ZFHX3: variants seen among roughly 807,000 people sequenced by gnomAD.
The protein encoded by ZFHX3 is zinc finger homeobox protein 3.
Under a neutral mutation model 279.1 loss-of-function variants are expected in ZFHX3, and 42 were observed. That is an observed-to-expected ratio of 0.15 (90% CI 0.12 to 0.19). The LOEUF is 0.19. ZFHX3 is among the 10% of genes least tolerant of loss of function. ZFHX3 has a pLI of 1.00. For missense variants in ZFHX3, 4,981 were observed against 4,754.0 expected, an observed-to-expected ratio of 1.05 and a Z score of -1.40; for synonymous variants, 2,293 against 1,957.8, an observed-to-expected ratio of 1.17 and a Z score of -4.52.
At chr16:73,582,441 G>GA (rs147901655) in intron 2 of ZFHX3, among the ~76,000 whole-genome samples, 9,107 of 149,310 alleles carry the variant, frequency 0.061, 1,081 homozygotes, top group African/African-American at 0.21. Flanking sequence ...TAGGAAGACA[G>GA]AAAAAAAAAA....
At chr16:73,205,965 A>G (rs1314967712) in intron 5 of ZFHX3, among the ~76,000 whole-genome samples, 1 of 152,234 alleles carries the variant, frequency 6.6e-6, no homozygotes, top group Non-Finnish European at 1.5e-5. Flanking sequence ...TGAAATTGTT[A>G]AAGAACTGGC....
chr16:72,983,850 G>A (rs1049561398), intron 1 of ZFHX3, among the ~76,000 whole-genome samples: 2 of 152,194 alleles, frequency 1.3e-5, no homozygotes, highest in African/African-American at 4.8e-5. Flanking sequence ...CCACTGCCAA[G>A]TGTGGGTACA....
chr16:73,157,467 A>T (rs1446746973), intron 5 of ZFHX3, among the ~76,000 whole-genome samples: 2 of 147,620 alleles, frequency 1.4e-5, no homozygotes, highest in African/African-American at 4.9e-5. Flanking sequence ...ATGTTTGGTA[A>T]AAAAAAAAAA....
intron 2 of ZFHX3, among the ~76,000 whole-genome samples, chr16:73,602,338 G>GT (rs1309733316): frequency 1.3e-5 from 2 of 152,092 alleles, no homozygotes. Flanking sequence ...TGCTGAGACC[G>GT]TATGAATACT....
intron 8 of ZFHX3, among the ~76,000 whole-genome samples, chr16:73,066,324 C>T (rs2144749921): frequency 6.6e-6 from 1 of 152,330 alleles, no homozygotes; most frequent in Non-Finnish European, 1.5e-5. Context: ...TTCCCAAAAC[C>T]TTATCATTGA....
intron 1 of ZFHX3, among the ~76,000 whole-genome samples, chr16:73,854,484 A>G (rs78093707): frequency 0.09 from 13,759 of 152,166 alleles, 884 homozygotes; most frequent in South Asian, 0.29. Flanking sequence ...AGATTGTGCC[A>G]CTGCACTCCA....
In ZFHX3 at chr16:73,403,283, C is replaced by G. The variant is rs537031258; in HGVS notation, c.-1291+52720G>C. On this transcript the variant is annotated intron_variant, in intron 3 of 17. Coordinates refer to the ZFHX3 transcript ENST00000641206. ...GTGAAACACCGAGGGCTGCGATTCCCCTGCTTGATGAGTTGGAGAGAAATT... is the reference window on the plus strand; with the variant it reads ...GTGAAACACCGAGGGCTGCGATTCCGCTGCTTGATGAGTTGGAGAGAAATT... Among the ~76,000 whole-genome samples the G allele has an allele frequency of 4.6e-5, 7 of 152,324 alleles. No homozygotes were observed. The South Asian group carries it at 1.4e-3, about 32-fold the overall frequency.
rs748204918 is a variant in ZFHX3, at chr16:72,794,994, G to T, written c.7688C>A (p.Pro2563His). 1 of 1,614,176 alleles carries T rather than the reference G, an allele frequency of 6.2e-7. No individual in the cohort carries two copies. The highest frequency in any genetic ancestry group is 2.2e-5 in the East Asian group (1 of 44,872). ...FLSAQNQFIH[P>H]QFLDRSLDMP... Reference sequence around the variant, plus strand: ...ATCCAGGGACCTGTCCAAAAACTGGGGGTGGATGAACTGGTTCTGCGCGCT... The same window carrying T: ...ATCCAGGGACCTGTCCAAAAACTGGTGGTGGATGAACTGGTTCTGCGCGCT... Residue 2563 changes from proline to histidine, a missense_variant, in exon 9 of 10, where the codon CCC (proline) becomes CAC (histidine). Transcript: ENST00000268489. The surrounding 1 kb of genome is among the most constrained non-coding windows in gnomAD (Gnocchi z 4.2).
At chr16:73,524,223 T>C (rs2019655196) in intron 2 of ZFHX3, among the ~76,000 whole-genome samples, 1 of 152,210 alleles carries the variant, frequency 6.6e-6, no homozygotes, top group Non-Finnish European at 1.5e-5. Flanking sequence ...CCATTTTTTA[T>C]ACATAAACAC....
intron 3 of ZFHX3, among the ~76,000 whole-genome samples, chr16:73,330,178 A>G (rs2015773227): frequency 6.6e-6 from 1 of 152,122 alleles, no homozygotes; most frequent in Non-Finnish European, 1.5e-5. Context: ...GAGAGGAGAG[A>G]GTTTTGAGCC....
chr16:73,787,844 TGTGTGTGTGA>T (rs1959695989), intron 1 of ZFHX3, among the ~76,000 whole-genome samples: 1 of 150,470 alleles, frequency 6.6e-6, no homozygotes, highest in African/African-American at 2.5e-5. Context: ...TGTGTGTGTG[TGTGTGTGTGA>T]AAGAGAGAGA....
intron 8 of ZFHX3, among the ~76,000 whole-genome samples, chr16:73,069,299 C>T (rs1416982622): frequency 1.3e-5 from 2 of 152,188 alleles, no homozygotes; most frequent in African/African-American, 2.4e-5. Flanking sequence ...TGCATACTGA[C>T]TGGCCTCTCA....
intron 2 of ZFHX3, among the ~76,000 whole-genome samples, chr16:73,561,074 C>T (rs913805011): frequency 1.3e-5 from 2 of 152,176 alleles, no homozygotes; most frequent in Non-Finnish European, 2.9e-5. Context: ...TTGGGACAAG[C>T]TTCTACTGAA....
intron 5 of ZFHX3, among the ~76,000 whole-genome samples, chr16:73,255,186 T>C (rs1048907213): frequency 7.2e-5 from 11 of 152,238 alleles, no homozygotes; most frequent in African/African-American, 2.4e-4. Flanking sequence ...GCTAGGATCA[T>C]ACCTTTTTAT....
At chr16:73,675,054 C>G (rs1160694442) in intron 2 of ZFHX3, among the ~76,000 whole-genome samples, 1 of 152,174 alleles carries the variant, frequency 6.6e-6, no homozygotes, top group Non-Finnish European at 1.5e-5. Context: ...ATACTCTGCC[C>G]AAGAGGAAGC....
intron 2 of ZFHX3, among the ~76,000 whole-genome samples, chr16:73,658,911 G>A (rs994634377): frequency 7.2e-5 from 11 of 151,964 alleles, no homozygotes; most frequent in East Asian, 3.9e-4. Flanking sequence ...AATAATGGAC[G>A]CATTATTTAC....
At chr16:73,779,416 G>A (rs1466786529) in intron 1 of ZFHX3, among the ~76,000 whole-genome samples, 1 of 106,760 alleles carries the variant, frequency 9.4e-6, no homozygotes, top group Non-Finnish European at 1.9e-5. Flanking sequence ...GGAGGTGGTG[G>A]TGTTTCATTC....
In ZFHX3 at chr16:73,434,878, G is replaced by A. The variant is rs144378808; in HGVS notation, c.-1291+21125C>T. On this transcript the variant is annotated intron_variant, in intron 3 of 17. Coordinates refer to the ZFHX3 transcript ENST00000641206. ...CGCCGTCCAGTCAGTGGCCGGCATG[G>A]CTATTTACACGGGGCATTGCAAGTA... Among the ~76,000 whole-genome samples, 417 of 152,274 alleles carry A rather than the reference G, an allele frequency of 2.7e-3. 3 individuals are homozygous for A. The highest frequency in any genetic ancestry group is 9.6e-3 in the African/African-American group (399 of 41,548).
intron 6 of ZFHX3, among the ~76,000 whole-genome samples, chr16:73,132,844 G>A (rs1272853536): frequency 6.6e-6 from 1 of 152,102 alleles, no homozygotes; most frequent in Non-Finnish European, 1.5e-5. Context: ...AGGAGGAGAG[G>A]GAAGACAAAT....
Sources: allele counts gnomAD v4.1 joint callset (sites outside exome capture counted in the v4.1 genomes callset), GRCh38; gene constraint gnomAD v4.1.1; non-coding constraint Gnocchi (gnomAD v3.1); transcripts MANE v1.5; gene names NCBI Gene and HGNC (gene_info 2026-07-23, HGNC 2026-07-21).